DNA2: variants seen among roughly 807,000 people sequenced by gnomAD.
The protein encoded by DNA2 is DNA replication helicase/nuclease 2, also known as DNA replication ATP-dependent helicase/nuclease DNA2.
In DNA2, 101 loss-of-function variants were observed where a neutral mutation model predicts 119.1. The observed-to-expected ratio is 0.85, with a 90% confidence interval of 0.72 to 1.00. The LOEUF is 1.00. DNA2 is among the 50% of genes least tolerant of loss of function. The probability of loss-of-function intolerance (pLI) is 0.00; values close to 1 mark genes in which losing one functional copy is unlikely to be tolerated. For synonymous variants in DNA2, 366 were observed against 424.4 expected (o/e 0.86, Z 1.69); for missense variants, 1,121 against 1,255.5 (o/e 0.89, Z 1.62).
intron 9 of DNA2, among the ~76,000 whole-genome samples, chr10:68,437,462 C>A (rs2051904716): frequency 6.7e-6 from 1 of 149,044 alleles, no homozygotes; most frequent in African/African-American, 2.6e-5. Flanking sequence ...ATGGTGAAAA[C>A]CCTATCTCTA....
Position 68,420,339 on chromosome 10 carries a change from C to T in DNA2, c.2698-447G>A, listed in dbSNP as rs540033015. Among the ~76,000 whole-genome samples the T allele has an allele frequency of 1.1e-3, 171 of 152,292 alleles. No homozygotes were observed. The South Asian group carries it at 0.02, about 18-fold the overall frequency. ...GGATCACAAGGTCAGGAGTTGGAGA[C>T]CAGCCTGGCCAACACAGTGAAACCC... On this transcript the variant is annotated intron_variant, in intron 17 of 20. Coordinates refer to ENST00000358410, the MANE Select transcript of DNA2 (RefSeq NM_001080449.3).
At chr10:68,458,909 A>G (rs2052220409) in intron 5 of DNA2, among the ~76,000 whole-genome samples, 195 bp downstream of exon 5, 1 of 152,202 alleles carries the variant, frequency 6.6e-6, no homozygotes, top group Non-Finnish European at 1.5e-5. Context: ...CTATCATAAT[A>G]ATGAAAATAA....
Position 68,416,834 on chromosome 10 carries a change from A to G in DNA2, c.2989T>C (p.Trp997Arg), listed in dbSNP as rs2051595672. ...GTTATAGCAACATTAAGACGTCGCCAATCTTTCAAGAGTTCACCAACCTGT... is the reference window on the plus strand; with the variant it reads ...GTTATAGCAACATTAAGACGTCGCCGATCTTTCAAGAGTTCACCAACCTGT... Reference protein sequence around the residue: ...DGTVGELLKDWRRLNVAITRA... With the variant: ...DGTVGELLKDRRRLNVAITRA... Residue 997 changes from tryptophan to arginine, a missense_variant, in exon 20 of 21, where the codon TGG (tryptophan) becomes CGG (arginine). By Grantham distance (101) the Trp-to-Arg change is moderately radical (BLOSUM62 -3). Transcript: ENST00000358410. 1 of 1,609,974 alleles carries G rather than the reference A, an allele frequency of 6.2e-7. No homozygotes were observed. The highest frequency in any genetic ancestry group is 1.1e-5 in the South Asian group (1 of 90,416).
chr10:68,442,770 T>G, intron 9 of DNA2, 147 bp downstream of exon 9: 1 of 655,934 alleles, frequency 1.5e-6, no homozygotes, highest in Non-Finnish European at 2.6e-6. Flanking sequence ...TTAGAAACAA[T>G]AGAGAGCCAT....
In DNA2 at chr10:68,437,926, G is replaced by A. The variant is rs530900539; in HGVS notation, c.1416-685C>T. On this transcript the variant is annotated intron_variant, in intron 9 of 20. Transcript: ENST00000358410. Reference sequence around the variant, plus strand: ...AGGGTTTCACCATGTTGGCCAGGCTGGATTCGGACCCCTGGACTCAAGTGA... The same window carrying A: ...AGGGTTTCACCATGTTGGCCAGGCTAGATTCGGACCCCTGGACTCAAGTGA... Among the ~76,000 whole-genome samples the A allele has an allele frequency of 1.6e-4, 25 of 152,130 alleles. No individual in the cohort carries two copies. In the South Asian group the frequency reaches 5.2e-3, roughly 32 times the overall value.
chr10:68,450,337 A>G (rs2133414462), intron 5 of DNA2, 90 bp from the exon 6 acceptor site: 1 of 1,008,104 alleles, frequency 9.9e-7, no homozygotes, highest in Non-Finnish European at 1.5e-6. Flanking sequence ...CACACAGAGA[A>G]TGTGGGGAGG....
chr10:68,428,894 G>A (rs1377360238), intron 14 of DNA2, among the ~76,000 whole-genome samples: 1 of 152,158 alleles, frequency 6.6e-6, no homozygotes, highest in Admixed American at 6.6e-5. Flanking sequence ...CTGTATCAAT[G>A]TCAACATCCT....
intron 7 of DNA2, 21 bp downstream of exon 7, chr10:68,446,275 C>CT (rs1460228583): frequency 7.4e-7 from 1 of 1,358,654 alleles, no homozygotes; most frequent in Admixed American, 2.2e-5. Flanking sequence ...AGAAGTAAAA[C>CT]TAAAAAAAAA....
At position 68,450,123 on chromosome 10, in the gene DNA2, C is replaced by T; in HGVS notation, c.844G>A (p.Val282Met). ...GTTTTATACCCTCGATGTATTTTCACACCAACTGTAACATCTATTTTGCCT... is the reference window on the plus strand; with the variant it reads ...GTTTTATACCCTCGATGTATTTTCATACCAACTGTAACATCTATTTTGCCT... The part of the protein sequence containing the change: ...LKGKIDVTVG[V>M]KIHRGYKTKY... Residue 282 changes from valine to methionine, a missense_variant, in exon 6 of 21, where the codon GTG becomes ATG. Val to Met is a conservative substitution (Grantham distance 21). Transcript: ENST00000358410. 3 of 1,606,442 alleles carry T rather than the reference C, an allele frequency of 1.9e-6. No individual in the cohort carries two copies. The South Asian group carries it at 3.3e-5, about 18-fold the overall frequency.
intron 4 of DNA2, among the ~76,000 whole-genome samples, chr10:68,465,264 A>G (rs1335408785): frequency 1.3e-5 from 2 of 151,752 alleles, no homozygotes; most frequent in African/African-American, 2.4e-5. Context: ...TGATCCGCCC[A>G]CCTCGGCCTC....
chr10:68,468,805 C>A (rs533073089), intron 2 of DNA2, among the ~76,000 whole-genome samples: 1 of 152,248 alleles, frequency 6.6e-6, no homozygotes, highest in Admixed American at 6.5e-5. Flanking sequence ...AATCCCAGCA[C>A]TTTGGGAGGC....
intron 14 of DNA2, among the ~76,000 whole-genome samples, 156 bp downstream of exon 14, chr10:68,430,280 A>G (rs1329583581): frequency 6.6e-6 from 1 of 152,214 alleles, no homozygotes; most frequent in Non-Finnish European, 1.5e-5. Flanking sequence ...AGAAGGAAAT[A>G]GCAAACTATA....
Position 68,445,038 on chromosome 10 carries a change from C to T in DNA2, c.1103G>A (p.Arg368His), listed in dbSNP as rs932173999. ...CTGTCTAGTAGCAGATTTGCTAATA[C>T]GGTGAAACAATGAGAATGCCATCTG... ...RNQMAFSLFHRISKSATRQKT... is the reference protein window; with the variant it reads ...RNQMAFSLFHHISKSATRQKT... The change falls in exon 8 of 21, where the codon CGT (arginine) becomes CAT (histidine). Residue 368 changes from arginine (R) to histidine (H), a missense_variant. Arg to His is a conservative substitution (Grantham distance 29). Transcript: ENST00000358410. 5 of 1,610,318 alleles carry T rather than the reference C, an allele frequency of 3.1e-6. No homozygotes were observed. Among genetic ancestry groups the T allele is most frequent in the East Asian group, 2.2e-5 (1 of 44,778 alleles).
rs1456208317 is a variant in DNA2 at position 68,432,377 on chromosome 10, T to G, written c.1763+17A>C. 2.5e-6 allele frequency: 4 copies of G among 1,569,848 alleles called. No individual in the cohort carries two copies. Among genetic ancestry groups the G allele is most frequent in the Non-Finnish European group, 2.6e-6 (3 of 1,149,114 alleles). On this transcript the variant is annotated intron_variant, in intron 11 of 20. Transcript: ENST00000358410. ...AGAAAAGTGGAGTGAAATTCAAATT[T>G]GCTCATTGTTACAAACCTGACAAAC...
At chr10:68,416,650 C>T (rs772259564) in intron 20 of DNA2, 59 bp downstream of exon 20, 1 of 1,518,412 alleles carries the variant, frequency 6.6e-7, no homozygotes, top group Non-Finnish European at 9.1e-7. Context: ...TTTAAACAAG[C>T]AAATAAATAC....
Position 68,450,187 on chromosome 10 carries a change from A to G in DNA2, c.780T>C (p.Asp260=). ...TCNIEVVKPM[D]IEESIWSPRF... is the part of the protein sequence containing the mutation. ...TAGGGGACCAAATGCTTTCTTCAAT[A>G]TCCATTGGTTTCACGACTTCAATGT... Residue 260 remains aspartate, a synonymous_variant, in exon 6 of 21, where the codon GAT becomes GAC. Transcript: ENST00000358410. The G allele has an allele frequency of 6.2e-7, 1 of 1,604,584 alleles. No homozygotes were observed. Among genetic ancestry groups the G allele is most frequent in the Non-Finnish European group, 8.5e-7 (1 of 1,175,220 alleles).
chr10:68,448,948 TGTGTGTGTGTGTGTGTGTGC>T (rs567953914), intron 6 of DNA2, among the ~76,000 whole-genome samples: 4,744 of 138,966 alleles, frequency 0.034, 290 homozygotes, highest in South Asian at 0.16. Flanking sequence ...TGTGTGTGTG[TGTGTGTGTGTGTGTGTGTGC>T]GTGTGTGTGT....
intron 4 of DNA2, among the ~76,000 whole-genome samples, chr10:68,463,315 C>G (rs1451651132): frequency 6.7e-6 from 1 of 149,974 alleles, no homozygotes. Context: ...GTGGTGGCGG[C>G]CGCCTGTAGT....
intron 10 of DNA2, among the ~76,000 whole-genome samples, chr10:68,435,658 C>T (rs2051879444): frequency 1.4e-5 from 2 of 147,268 alleles, no homozygotes; most frequent in African/African-American, 5.0e-5. Context: ...GGGGTTTCAT[C>T]GTGTTAGCCA....
Sources: allele counts gnomAD v4.1 joint callset (sites outside exome capture counted in the v4.1 genomes callset), GRCh38; gene constraint gnomAD v4.1.1; transcripts MANE v1.5; gene names NCBI Gene and HGNC (gene_info 2026-07-23, HGNC 2026-07-21).